CRBN: variants seen among roughly 807,000 people sequenced by gnomAD.
The protein encoded by CRBN is protein cereblon.
A neutral mutation model predicts 62.2 loss-of-function variants in CRBN; 53 were observed. The observed-to-expected ratio is 0.85, with a 90% confidence interval of 0.68 to 1.07. CRBN has a LOEUF of 1.07. Ranked by LOEUF, CRBN falls within the 50% of genes least tolerant of loss-of-function variation. The pLI, the probability that CRBN is intolerant of heterozygous loss-of-function variation, is 0.00. For synonymous variants in CRBN, 208 were observed against 176.1 expected, an observed-to-expected ratio of 1.18 and a Z score of -1.43; for missense variants, 616 against 531.1, an observed-to-expected ratio of 1.16 and a Z score of -1.57.
chr3:3,157,537 AG>A (rs1366599033), intron 5 of CRBN, among the ~76,000 whole-genome samples: 1 of 152,190 alleles, frequency 6.6e-6, no homozygotes, highest in Non-Finnish European at 1.5e-5. Flanking sequence ...TCAAATGACT[AG>A]GTATGTTTCA....
rs1038108922 is a variant in CRBN, at chr3:3,156,560, T to A, written c.688-279A>T. ...GAAGACAACTTTGGGAAGATAAATG[T>A]TGAGAGTAAACACCATACTTCTATT... On this transcript the variant is annotated intron_variant, in intron 5 of 10. Transcript: ENST00000231948. 15 of 460,626 alleles carry A rather than the reference T, an allele frequency of 3.3e-5. No individual in the cohort carries two copies. The Admixed American group carries it at 3.4e-4, about 10-fold the overall frequency. 28.5% of individuals were successfully genotyped at this position (460,626 alleles called of 1,614,324 possible).
intron 1 of CRBN, among the ~76,000 whole-genome samples, chr3:3,178,065 T>C (rs957288957): frequency 7.3e-5 from 11 of 151,544 alleles, no homozygotes; most frequent in South Asian, 2.1e-4. Flanking sequence ...GAGCTATCAG[T>C]GAAGTCTGAT....
intron 4 of CRBN, chr3:3,172,548 T>C (rs964428889): frequency 7.1e-6 from 4 of 564,178 alleles, no homozygotes; most frequent in African/African-American, 1.9e-5. Flanking sequence ...CATCACTCTC[T>C]GGAGATGGGA....
At chr3:3,158,337 T>C (rs1198151439) in intron 5 of CRBN, among the ~76,000 whole-genome samples, 3 of 152,152 alleles carry the variant, frequency 2.0e-5, no homozygotes, top group Admixed American at 2.0e-4. Context: ...TGCGTCCCGG[T>C]TCCTAACAGG....
chr3:3,171,539 T>A (rs1707615749), intron 4 of CRBN, among the ~76,000 whole-genome samples: 1 of 152,178 alleles, frequency 6.6e-6, no homozygotes, highest in Non-Finnish European at 1.5e-5. Context: ...CAGTGCAATG[T>A]GGTAAGGCTA....
At chr3:3,157,807 A>G (rs1245672547) in intron 5 of CRBN, among the ~76,000 whole-genome samples, 1 of 152,224 alleles carries the variant, frequency 6.6e-6, no homozygotes, top group Non-Finnish European at 1.5e-5. Flanking sequence ...GAAGACTAGA[A>G]TCTATGAGAC....
chr3:3,162,914 G>GACAA (rs1307580277), intron 5 of CRBN, among the ~76,000 whole-genome samples: 1 of 152,186 alleles, frequency 6.6e-6, no homozygotes, highest in Non-Finnish European at 1.5e-5. Flanking sequence ...TCTGTCTAAA[G>GACAA]ACAAACACTG....
chr3:3,153,906 A>G (rs1454690498), intron 8 of CRBN, 54 bp downstream of exon 8: 7 of 1,112,486 alleles, frequency 6.3e-6, no homozygotes, highest in South Asian at 1.2e-5. Flanking sequence ...AGAGCATCCT[A>G]GTTCTCCAGC....
chr3:3,154,699 T>A, intron 7 of CRBN, 48 bp downstream of exon 7: 1 of 1,026,574 alleles, frequency 9.7e-7, no homozygotes. Context: ...AAGCTATTTT[T>A]TATAGCAAGA....
rs1706760597 is a variant in CRBN, at chr3:3,154,058, C to T, written c.853G>A (p.Ala285Thr). 1 of 1,611,596 alleles carries T rather than the reference C, an allele frequency of 6.2e-7. No individual in the cohort carries two copies. Among genetic ancestry groups the T allele is most frequent in the Non-Finnish European group, 8.5e-7 (1 of 1,177,804 alleles). Residue 285 changes from alanine (A) to threonine (T), a missense_variant, in exon 8 of 11, where the codon GCT (alanine) becomes ACT (threonine). Transcript: ENST00000231948. ...SNPIDFSYRV[A>T]ACLPIDDVLR... The stretch of plus-strand genomic sequence containing the variant: ...ACATCATCAATAGGAAGACAAGCAG[C>T]TACTCTGTAAGAAAAATCTTCAAGA...
intron 3 of CRBN, among the ~76,000 whole-genome samples, chr3:3,173,337 C>T (rs909007548): frequency 3.3e-5 from 5 of 152,068 alleles, no homozygotes; most frequent in East Asian, 3.9e-4. Context: ...GGAGTATAGG[C>T]GTGAGCTACC....
intron 8 of CRBN, 85 bp downstream of exon 8, chr3:3,153,871 TATAC>T (rs1706751065): frequency 1.3e-6 from 1 of 795,334 alleles, no homozygotes; most frequent in South Asian, 1.4e-5. Context: ...TACTGGACTC[TATAC>T]AGAGCTCCAT....
At chr3:3,157,872 A>G (rs1706968310) in intron 5 of CRBN, among the ~76,000 whole-genome samples, 1 of 152,176 alleles carries the variant, frequency 6.6e-6, no homozygotes, top group South Asian at 2.1e-4. Context: ...ATCAAAGGGA[A>G]TGTCTTGTTA....
At chr3:3,175,342 A>T in intron 1 of CRBN, 73 bp from the exon 2 acceptor site, 1 of 1,101,756 alleles carries the variant, frequency 9.1e-7, no homozygotes, top group Non-Finnish European at 1.4e-6. Context: ...TTCCTTCTTC[A>T]AAAGAGGGGT....
At position 3,150,391 on chromosome 3, in the gene CRBN, G is replaced by A. The variant is rs1031169281; in HGVS notation, c.*474C>T. ...TAGAATAATTAATATACATTGCCTT[G>A]CTTCTTTCCAAAAGGAACATGTACT... On this transcript the variant is annotated 3_prime_UTR_variant, in exon 11 of 11. Coordinates refer to ENST00000231948, the MANE Select transcript of CRBN (RefSeq NM_016302.4). 1 of 153,664 alleles carries A rather than the reference G, an allele frequency of 6.5e-6. No homozygotes were observed. The highest frequency in any genetic ancestry group is 2.4e-5 in the African/African-American group (1 of 41,408). 9.5% of individuals were successfully genotyped at this position (153,664 alleles called of 1,614,324 possible). A position where few individuals can be genotyped will look rare whatever the true frequency, so the allele number is the denominator to read the frequency against.
chr3:3,169,475 T>TAGC (rs369857093), intron 4 of CRBN, among the ~76,000 whole-genome samples: 1 of 8,132 alleles, frequency 1.2e-4, no homozygotes. Context: ...ACTACTCTAA[T>TAGC]AGGAAAAAAA....
rs547168143 is a variant in CRBN, at chr3:3,168,951, A to G, written c.528-1158T>C. Among the ~76,000 whole-genome samples, 10 of 152,202 alleles carry G rather than the reference A, an allele frequency of 6.6e-5. No individual in the cohort carries two copies. The South Asian group carries it at 1.5e-3, about 22-fold the overall frequency. On this transcript the variant is annotated intron_variant, in intron 4 of 10. Transcript: ENST00000231948. ...AGAGCTCATTAGAAACAAAATCTCA[A>G]TTTTCTTCACCTGATTCATGAACAC...
At chr3:3,173,825 T>C (rs911519115) in intron 3 of CRBN, 6 of 538,710 alleles carry the variant, frequency 1.1e-5, no homozygotes, top group Non-Finnish European at 2.0e-5. Flanking sequence ...ATTTTTCAAA[T>C]ACCAGAAAGT....
At chr3:3,167,977 TA>T (rs1222149534) in intron 4 of CRBN, among the ~76,000 whole-genome samples, 184 bp from the exon 5 acceptor site, 1 of 152,050 alleles carries the variant, frequency 6.6e-6, no homozygotes, top group Non-Finnish European at 1.5e-5. Flanking sequence ...TCATAAATCA[TA>T]CCAAAGTTAA....
Sources: allele counts gnomAD v4.1 joint callset (sites outside exome capture counted in the v4.1 genomes callset), GRCh38; gene constraint gnomAD v4.1.1; transcripts MANE v1.5; gene names NCBI Gene and HGNC (gene_info 2026-07-23, HGNC 2026-07-21).